The following FLT4 variants were observed in gnomAD, a reference collection of about 807,000 sequenced individuals.
FLT4 encodes fms related receptor tyrosine kinase 4.
In FLT4, 30 loss-of-function variants were observed where a neutral mutation model predicts 163.2. The observed-to-expected ratio is 0.18, with a 90% CI of 0.14 to 0.25. The LOEUF (loss-of-function observed/expected upper bound fraction) is 0.25, where lower values mean the gene tolerates loss of function less well. Among genes scored for constraint, FLT4 ranks in the 10% least tolerant of loss-of-function variants. FLT4 has a pLI of 1.00. For synonymous variants in FLT4, 884 were observed against 789.5 expected (o/e 1.12, Z -2.01); for missense variants, 1,510 against 1,863.8 (o/e 0.81, Z 3.50).
chr5:180,645,924 C>T (rs988666536), intron 1 of FLT4, among the ~76,000 whole-genome samples: 1 of 152,142 alleles, frequency 6.6e-6, no homozygotes, highest in Non-Finnish European at 1.5e-5. Context: ...CCCCCAACTC[C>T]GAGGGGCATC....
At position 180,611,485 on chromosome 5, in the gene FLT4, G is replaced by T. The variant is rs530215661; in HGVS notation, c.3538-6C>A. On this transcript the variant is annotated splice_region_variant and splice_polypyrimidine_tract_variant and intron_variant, in intron 26 of 29. Coordinates refer to ENST00000261937, the MANE Select transcript of FLT4 (RefSeq NM_182925.5). The stretch of plus-strand genomic sequence containing the variant: ...ATGCAGACCTCCTCTTCCTCCTGGC[G>T]GGAACAGGAGAGGCAGCCAGGCCAG... 6.2e-7 allele frequency: 1 copy of T among 1,613,136 alleles called. No homozygotes were observed. Among genetic ancestry groups the T allele is most frequent in the Non-Finnish European group, 8.5e-7 (1 of 1,179,816 alleles).
rs1763909243 is a variant in FLT4, at chr5:180,629,431, C to T, written c.817-4G>A. 4 of 1,610,656 alleles carry T rather than the reference C, an allele frequency of 2.5e-6. No individual in the cohort carries two copies. The highest frequency in any genetic ancestry group is 3.4e-6 in the Non-Finnish European group (4 of 1,179,932). Reference sequence around the variant, plus strand: ...GCACCCACTTACCCCGCTCTGCCTGCCCGCACCCAGGGAAGCCCCGCGTCA... The same window carrying T: ...GCACCCACTTACCCCGCTCTGCCTGTCCGCACCCAGGGAAGCCCCGCGTCA... On this transcript the variant is annotated splice_region_variant and splice_polypyrimidine_tract_variant and intron_variant, in intron 6 of 29. Coordinates refer to ENST00000261937, the MANE Select transcript of FLT4 (RefSeq NM_182925.5).
chr5:180,626,616 G>A (rs543202033), intron 8 of FLT4, among the ~76,000 whole-genome samples: 54 of 152,338 alleles, frequency 3.5e-4, no homozygotes, highest in Admixed American at 1.0e-3. Context: ...GCTGCAGACA[G>A]CCTTCTTCAG....
At chr5:180,637,160 TC>T (rs1764747356) in intron 1 of FLT4, among the ~76,000 whole-genome samples, 3 of 151,568 alleles carry the variant, frequency 2.0e-5, no homozygotes, top group Non-Finnish European at 4.4e-5. Context: ...GTGAACCCCA[TC>T]TCTACTAAAA....
chr5:180,608,929 A>T (rs1042510920), intron 29 of FLT4, 39 bp downstream of exon 29: 1 of 1,543,246 alleles, frequency 6.5e-7, no homozygotes, highest in African/African-American at 1.4e-5. Context: ...GGAGGGCAAC[A>T]TCGATACCTG....
intron 1 of FLT4, among the ~76,000 whole-genome samples, chr5:180,640,326 G>C (rs1295350151): frequency 6.6e-6 from 1 of 152,242 alleles, no homozygotes; most frequent in South Asian, 2.1e-4. Context: ...ACAGCAGCAG[G>C]TGGCCACGTG....
Position 180,636,094 on chromosome 5 carries a change from G to T in FLT4, c.59-4316C>A, listed in dbSNP as rs995657069. Among the ~76,000 whole-genome samples the T allele has an allele frequency of 2.6e-5, 4 of 151,944 alleles. No individual in the cohort carries two copies. On this transcript the variant is annotated intron_variant, in intron 1 of 29. Transcript: ENST00000261937. The surrounding 1 kb of genome is among the most constrained non-coding windows in gnomAD (Gnocchi z 4.3). The stretch of plus-strand genomic sequence containing the variant: ...GAGTCTGTAGGAGCTTCCTCCTGAA[G>T]GCACCGTGCCACCAAAGGAAGCACC...
intron 29 of FLT4, among the ~76,000 whole-genome samples, chr5:180,603,778 C>T (rs1489309231): frequency 1.3e-5 from 2 of 152,128 alleles, no homozygotes; most frequent in Non-Finnish European, 2.9e-5. Context: ...GTGGCGGGCG[C>T]CTGTAGTCCC....
At chr5:180,613,999 G>A in intron 24 of FLT4, 69 bp downstream of exon 24, 2 of 1,058,712 alleles carry the variant, frequency 1.9e-6, no homozygotes, top group Non-Finnish European at 3.0e-6. Context: ...ACTCCAGCAG[G>A]GGCGGTCATG....
rs914264208 is a variant in FLT4, at chr5:180,636,960, C to G, written c.59-5182G>C. On this transcript the variant is annotated intron_variant, in intron 1 of 29. Transcript: ENST00000261937. This position sits in a 1 kb window ranked among gnomAD's most constrained non-coding sequence, Gnocchi z 4.3. ...ACAGCACAACACTGGCAGCACAAGG[C>G]CCCCACAGGAGCTCCTCCCCCCCAT... is the stretch of plus-strand genomic sequence containing the variant. Among the ~76,000 whole-genome samples the G allele has an allele frequency of 1.3e-5, 2 of 152,042 alleles. No individual in the cohort carries two copies. The highest frequency in any genetic ancestry group is 4.8e-5 in the African/African-American group (2 of 41,390).
Position 180,611,346 on chromosome 5 carries a change from T to C in FLT4, c.3671A>G (p.His1224Arg), listed in dbSNP as rs756198548. 1.2e-6 allele frequency: 2 copies of C among 1,613,890 alleles called. No homozygotes were observed. The highest frequency in any genetic ancestry group is 4.5e-5 in the East Asian group (2 of 44,866). ...AEDSPPSLQRHSLAARYYNWV... is the reference protein window; with the variant it reads ...AEDSPPSLQRRSLAARYYNWV... ...GACAGCTGACCTGGCGGCCAGGCTG[T>C]GGCGCTGCAGGCTTGGCGGGCTGTC... is the stretch of plus-strand genomic sequence containing the variant. The change falls in exon 27 of 30, where the codon CAC becomes CGC. Residue 1224 changes from histidine to arginine, a missense_variant. By Grantham distance (29) the His-to-Arg change is conservative. Around this residue, in one of 5 missense-constraint regions of FLT4, gnomAD observed 295 missense variants for 311.0 expected, o/e 0.95. Coordinates refer to ENST00000261937, the MANE Select transcript of FLT4 (RefSeq NM_182925.5).
chr5:180,628,817 T>C lies in FLT4; in HGVS notation c.1103+65A>G, dbSNP rs1391324818. ...GGAGGACGCTGCCCGTCTTCCCCTA[T>C]GGTCTGTTTTGCCCCTGGACTTGGA... is the stretch of plus-strand genomic sequence containing the variant. On this transcript the variant is annotated intron_variant, in intron 8 of 29. Coordinates refer to ENST00000261937, the MANE Select transcript of FLT4 (RefSeq NM_182925.5). 6 of 1,123,738 alleles carry C rather than the reference T, an allele frequency of 5.3e-6. No individual in the cohort carries two copies. In the South Asian group the frequency reaches 6.3e-5, roughly 12 times the overall value. 69.6% of individuals were successfully genotyped at this position (1,123,738 alleles called of 1,614,324 possible).
chr5:180,616,323 C>T, intron 23 of FLT4, 44 bp downstream of exon 23: 1 of 1,613,106 alleles, frequency 6.2e-7, no homozygotes. Flanking sequence ...CACCCCTTCA[C>T]CTGTTCCGCC....
At chr5:180,603,674 G>A (rs937519203) in intron 29 of FLT4, among the ~76,000 whole-genome samples, 6 of 152,204 alleles carry the variant, frequency 3.9e-5, no homozygotes, top group Non-Finnish European at 7.3e-5. Context: ...GGAGACCGAG[G>A]CGGGCGGATC....
At chr5:180,626,089 C>T (rs768146470) in intron 9 of FLT4, 22 bp downstream of exon 9, 64 of 1,612,594 alleles carry the variant, frequency 4.0e-5, no homozygotes, top group South Asian at 1.9e-4. Flanking sequence ...CCCACCCGTG[C>T]GCTCTCCCGT....
chr5:180,625,866 C>T lies in FLT4; in HGVS notation c.1421+3G>A, dbSNP rs2127826390. 1 of 1,611,102 alleles carries T rather than the reference C, an allele frequency of 6.2e-7. No homozygotes were observed. Among genetic ancestry groups the T allele is most frequent in the Non-Finnish European group, 8.5e-7 (1 of 1,179,820 alleles). On this transcript the variant is annotated splice_donor_region_variant and intron_variant, in intron 10 of 29. Coordinates refer to ENST00000261937, the MANE Select transcript of FLT4 (RefSeq NM_182925.5). ...GGGGACCTGAGGCTGGAGCTGTACTCACAGACTACGCTGGGCAAACATCTT... is the reference window on the plus strand; with the variant it reads ...GGGGACCTGAGGCTGGAGCTGTACTTACAGACTACGCTGGGCAAACATCTT...
chr5:180,621,156 G>A lies in FLT4; in HGVS notation c.2117C>T (p.Ala706Val), dbSNP rs747033940. 4.3e-6 allele frequency: 7 copies of A among 1,612,822 alleles called. No homozygotes were observed. The highest frequency in any genetic ancestry group is 1.7e-5 in the Admixed American group (1 of 60,026). ...GTCTTTGTACCACACGATGCTGGGCGCGTGCGCTCCGGCCACCAAGCACTG... is the reference window on the plus strand; with the variant it reads ...GTCTTTGTACCACACGATGCTGGGCACGTGCGCTCCGGCCACCAAGCACTG... ...EMQCLVAGAHAPSIVWYKDER... is the reference protein window; with the variant it reads ...EMQCLVAGAHVPSIVWYKDER... Residue 706 changes from alanine (A) to valine (V), a missense_variant, in exon 14 of 30, where the codon GCG becomes GTG. By Grantham distance (64) the Ala-to-Val change is moderately conservative (BLOSUM62 0). Transcript: ENST00000261937.
chr5:180,630,438 T>C lies in FLT4; in HGVS notation c.401-101A>G. ...TGCTGGTCCTGAACCAGCCACCCGC[T>C]GGAGCAGGTAGGGCCCCGTTCTCTC... is the stretch of plus-strand genomic sequence containing the variant. On this transcript the variant is annotated intron_variant, in intron 3 of 29. Coordinates refer to ENST00000261937, the MANE Select transcript of FLT4 (RefSeq NM_182925.5). This position sits in a 1 kb window ranked among gnomAD's most constrained non-coding sequence, Gnocchi z 6.3. 6.4e-7 allele frequency: 1 copy of C among 1,565,186 alleles called. No individual in the cohort carries two copies. Among genetic ancestry groups the C allele is most frequent in the Non-Finnish European group, 8.7e-7 (1 of 1,149,468 alleles).
At chr5:180,640,378 G>T (rs1202710818) in intron 1 of FLT4, among the ~76,000 whole-genome samples, 1 of 152,220 alleles carries the variant, frequency 6.6e-6, no homozygotes, top group Non-Finnish European at 1.5e-5. Context: ...CCTGCCCCAG[G>T]ACCAGGCTCC....
Sources: gnomAD v4.1 joint callset for allele counts (sites outside exome capture counted in the v4.1 genomes callset) on GRCh38, gnomAD v4.1.1 for gene constraint, gnomAD v4.1.1 regional missense constraint, Gnocchi (gnomAD v3.1) non-coding constraint, MANE v1.5 for transcripts, NCBI Gene and HGNC (gene_info 2026-07-23, HGNC 2026-07-21) for gene names.